Variants in UBR4 observed in about 807,000 individuals in gnomAD.
The protein encoded by UBR4 is ubiquitin protein ligase E3 component n-recognin 4.
UBR4 carries 124 observed loss-of-function variants against 575.6 expected under a neutral mutation model. The observed-to-expected ratio is 0.22, with a 90% confidence interval of 0.19 to 0.25. UBR4 has a LOEUF of 0.25. Ranked by LOEUF, UBR4 falls within the 10% of genes least tolerant of loss-of-function variation. The probability of loss-of-function intolerance (pLI) is 1.00; values close to 1 mark genes in which losing one functional copy is unlikely to be tolerated. For synonymous variants in UBR4, 2,455 were observed against 2,473.7 expected, an observed-to-expected ratio of 0.99 and a Z score of 0.22; for missense variants, 4,818 against 6,478.8, an observed-to-expected ratio of 0.74 and a Z score of 8.80.
chr1:19,119,519 T>C (rs774403836), intron 70 of UBR4, 38 bp downstream of exon 70: 2 of 1,594,240 alleles, frequency 1.3e-6, no homozygotes, highest in South Asian at 1.1e-5. Flanking sequence ...AGGTTAAATA[T>C]GGCAAGTTGG....
In UBR4 at chr1:19,093,501, C is replaced by A. The variant is rs772608673; in HGVS notation, c.13938-15G>T. Reference sequence around the variant, plus strand: ...CTTCATCATATCTAGGAGGAAAGAGCAGAGTTTGAGGGTGTGAAAGGCGGG... The same window carrying A: ...CTTCATCATATCTAGGAGGAAAGAGAAGAGTTTGAGGGTGTGAAAGGCGGG... On this transcript the variant is annotated splice_polypyrimidine_tract_variant and intron_variant, in intron 95 of 105. Coordinates refer to ENST00000375254, the MANE Select transcript of UBR4 (RefSeq NM_020765.3). This position sits in a 1 kb window ranked among gnomAD's most constrained non-coding sequence, Gnocchi z 4.8. 6.2e-6 allele frequency: 10 copies of A among 1,613,304 alleles called. No individual in the cohort carries two copies. Among genetic ancestry groups the A allele is most frequent in the South Asian group, 1.1e-5 (1 of 90,986 alleles).
In UBR4 at chr1:19,170,788, G is replaced by C. The variant is rs555728639; in HGVS notation, c.3617C>G (p.Ser1206Cys). 3.7e-6 allele frequency: 6 copies of C among 1,614,190 alleles called. No homozygotes were observed. In the Admixed American group the frequency reaches 6.7e-5, roughly 18 times the overall value. The part of the protein sequence containing the change: ...QGFAAVLAIG[S>C]SRCKANTLGP... ...CAGAGTATTTGCCTTGCACCTGCTA[G>C]AGCCAATAGCCAAAACAGCAGCAAA... Residue 1206 changes from serine to cysteine, a missense_variant, in exon 26 of 106, where the codon TCT becomes TGT. Physicochemically the swap from Ser to Cys is moderately radical, Grantham distance 112. Transcript: ENST00000375254.
At chr1:19,199,549 T>G in intron 3 of UBR4, 102 bp downstream of exon 3, 1 of 996,630 alleles carries the variant, frequency 1.0e-6, no homozygotes, top group Non-Finnish European at 1.5e-6. Flanking sequence ...TGATTTCCTA[T>G]CTGGCCTATT....
chr1:19,114,889 A>G lies in UBR4; in HGVS notation c.11124T>C (p.Tyr3708=). 1 of 1,614,202 alleles carries G rather than the reference A, an allele frequency of 6.2e-7. No individual in the cohort carries two copies. The highest frequency in any genetic ancestry group is 8.5e-7 in the Non-Finnish European group (1 of 1,180,038). Residue 3708 remains tyrosine (Y), a synonymous_variant, in exon 75 of 106, where the codon TAT becomes TAC. Transcript: ENST00000375254. ...CATAGAGCATGAAGTCGAAGCGGGCATATTTACAGAAGCCACAGGCATTGC... is the reference window on the plus strand; with the variant it reads ...CATAGAGCATGAAGTCGAAGCGGGCGTATTTACAGAAGCCACAGGCATTGC... The part of the protein sequence containing the change: ...FLCNACGFCK[Y]ARFDFMLYAK...
intron 52 of UBR4, 69 bp downstream of exon 52, chr1:19,146,757 G>A: frequency 6.5e-7 from 1 of 1,539,930 alleles, no homozygotes; most frequent in Non-Finnish European, 8.8e-7. Flanking sequence ...AGTAAGAACA[G>A]TAAGAATGAG....
chr1:19,097,111 A>G, intron 91 of UBR4, 82 bp downstream of exon 91: 1 of 1,168,432 alleles, frequency 8.6e-7, no homozygotes. Context: ...GAGAGAAGCA[A>G]CTGAGAATGC....
At position 19,153,987 on chromosome 1, in the gene UBR4, A is replaced by G. The variant is rs2086085276; in HGVS notation, c.6459-48T>C. ...CAGTTAGAGTGTCAGTCACCATTTA[A>G]TAGTTCTTTTCTTGACCTAAAAACC... is the stretch of plus-strand genomic sequence containing the variant. On this transcript the variant is annotated intron_variant, in intron 44 of 105. Coordinates refer to ENST00000375254, the MANE Select transcript of UBR4 (RefSeq NM_020765.3). The surrounding 1 kb of genome is among the most constrained non-coding windows in gnomAD (Gnocchi z 4.1). 1 of 1,588,998 alleles carries G rather than the reference A, an allele frequency of 6.3e-7. No individual in the cohort carries two copies. Among genetic ancestry groups the G allele is most frequent in the East Asian group, 2.2e-5 (1 of 44,534 alleles).
At chr1:19,184,958 A>G (rs780254917) in intron 15 of UBR4, 141 bp downstream of exon 15, 31 of 969,366 alleles carry the variant, frequency 3.2e-5, no homozygotes, top group Non-Finnish European at 4.7e-5. Context: ...ACACATAATC[A>G]AGACATATAA....
intron 17 of UBR4, among the ~76,000 whole-genome samples, chr1:19,179,537 A>G (rs12093186): frequency 0.14 from 20,561 of 152,258 alleles, 1,482 homozygotes; most frequent in Middle Eastern, 0.19. Flanking sequence ...ACAAAACATG[A>G]GAAGTTGTTG....
Position 19,167,110 on chromosome 1 carries a change from C to G in UBR4, c.4021G>C (p.Ala1341Pro), listed in dbSNP as rs766450201. 2.5e-6 allele frequency: 4 copies of G among 1,614,232 alleles called. No individual in the cohort carries two copies. Among genetic ancestry groups the G allele is most frequent in the Admixed American group, 3.3e-5 (2 of 60,026 alleles). ...CGAGCCAAGAACTCATCAGACTCAG[C>G]AGGGCCCAAGATGCGTTCCAGGGAG... ...SNSLERILGPAESDEFLARVY... is the reference protein window; with the variant it reads ...SNSLERILGPPESDEFLARVY... The change falls in exon 29 of 106, where the codon GCT becomes CCT. Residue 1341 changes from alanine (A) to proline (P), a missense_variant. Transcript: ENST00000375254.
At position 19,091,514 on chromosome 1, in the gene UBR4, T is replaced by C. The variant is rs2077508063; in HGVS notation, c.14211+1305A>G. On this transcript the variant is annotated intron_variant, in intron 97 of 105. Transcript: ENST00000375254. ...AAAAAACAAACAATCCAGTTAGAAA[T>C]TGGGCAAAAGACATGAACAGACATT... Among the ~76,000 whole-genome samples the C allele has an allele frequency of 2.6e-5, 4 of 152,130 alleles. No individual in the cohort carries two copies. In the South Asian group the frequency reaches 6.2e-4, roughly 24 times the overall value.
In UBR4 at chr1:19,093,289, C is replaced by A; in HGVS notation, c.14111+24G>T. 1.2e-6 allele frequency: 2 copies of A among 1,607,704 alleles called. No individual in the cohort carries two copies. The highest frequency in any genetic ancestry group is 1.7e-6 in the Non-Finnish European group (2 of 1,176,794). ...AAAGGGCAAAGCGAAGGCAAAGCAG[C>A]CCCGCTGCGGGAGGGCTTCATACTT... On this transcript the variant is annotated intron_variant, in intron 96 of 105. Transcript: ENST00000375254. The surrounding 1 kb of genome is among the most constrained non-coding windows in gnomAD (Gnocchi z 4.8).
chr1:19,179,314 T>C (rs1287598836), intron 17 of UBR4, 94 bp from the exon 18 acceptor site: 39 of 1,279,698 alleles, frequency 3.0e-5, no homozygotes, highest in Non-Finnish European at 3.9e-5. Context: ...TTGTTTAATA[T>C]TGAACAGAAT....
chr1:19,192,413 A>T (rs762775438), intron 10 of UBR4, 35 bp from the exon 11 acceptor site: 52 of 1,614,042 alleles, frequency 3.2e-5, no homozygotes, highest in Non-Finnish European at 4.3e-5. Context: ...AAACATAATC[A>T]TAGAGATATT....
At chr1:19,207,002 C>T (rs1457645862) in intron 1 of UBR4, among the ~76,000 whole-genome samples, 1 of 152,116 alleles carries the variant, frequency 6.6e-6, no homozygotes, top group Non-Finnish European at 1.5e-5. Context: ...GCTAAGCAGG[C>T]TACCAGGTCG....
Position 19,192,506 on chromosome 1 carries a change from C to A in UBR4, c.1178G>T (p.Ser393Ile). The A allele has an allele frequency of 6.2e-7, 1 of 1,614,124 alleles. No individual in the cohort carries two copies. Among genetic ancestry groups the A allele is most frequent in the Non-Finnish European group, 8.5e-7 (1 of 1,180,014 alleles). The change falls in exon 10 of 106, where the codon AGC (serine) becomes ATC (isoleucine). Residue 393 changes from serine (S) to isoleucine (I), a missense_variant. Ser to Ile is a moderately radical substitution (Grantham distance 142, BLOSUM62 -2). This residue lies in a region of UBR4 where 131 missense variants were observed against 214.5 expected (regional missense o/e 0.61). Coordinates refer to ENST00000375254, the MANE Select transcript of UBR4 (RefSeq NM_020765.3). ...EIYDMIGQAI[S>I]SSRRAGGEHY... ...CTCACCACCAGCCCGGCGAGAACTGCTGATTGCTTGTCCAATCATGTCATA... is the reference window on the plus strand; with the variant it reads ...CTCACCACCAGCCCGGCGAGAACTGATGATTGCTTGTCCAATCATGTCATA...
At chr1:19,171,659 G>A (rs1029875718) in intron 25 of UBR4, among the ~76,000 whole-genome samples, 1 of 152,092 alleles carries the variant, frequency 6.6e-6, no homozygotes, top group African/African-American at 2.4e-5. Flanking sequence ...TGGCCAACAT[G>A]GAGAAACCCC....
chr1:19,176,815 A>C, intron 19 of UBR4, 88 bp from the exon 20 acceptor site: 1 of 1,403,092 alleles, frequency 7.1e-7, no homozygotes, highest in Non-Finnish European at 9.7e-7. Flanking sequence ...CGGTACACTG[A>C]ATCTTGGTAA....
rs996388141 is a variant in UBR4 at position 19,185,867 on chromosome 1, G to A, written c.1751-581C>T. Among the ~76,000 whole-genome samples the A allele has an allele frequency of 3.9e-5, 6 of 152,078 alleles. No homozygotes were observed. In the East Asian group the frequency reaches 1.2e-3, roughly 29 times the overall value. ...TTACAGGTGTGAGCCACCGCGCCCAGCCAATTTTTCTTTAAGGAGCCCAAC... is the reference window on the plus strand; with the variant it reads ...TTACAGGTGTGAGCCACCGCGCCCAACCAATTTTTCTTTAAGGAGCCCAAC... On this transcript the variant is annotated intron_variant, in intron 14 of 105. Transcript: ENST00000375254.
Sources: allele counts gnomAD v4.1 joint callset (sites outside exome capture counted in the v4.1 genomes callset), GRCh38; gene constraint gnomAD v4.1.1; regional missense constraint gnomAD v4.1.1; non-coding constraint Gnocchi (gnomAD v3.1); transcripts MANE v1.5; gene names NCBI Gene and HGNC (gene_info 2026-07-23, HGNC 2026-07-21).